CNTN4: variants seen among roughly 807,000 people sequenced by gnomAD.
CNTN4 encodes contactin-4.
A neutral mutation model predicts 122.5 loss-of-function variants in CNTN4; 77 were observed. That is an observed-to-expected ratio of 0.63 (90% CI 0.52 to 0.76). The LOEUF (loss-of-function observed/expected upper bound fraction) is 0.76, where lower values mean the gene tolerates loss of function less well. Ranked by LOEUF, CNTN4 falls within the 30% of genes least tolerant of loss-of-function variation. The probability of loss-of-function intolerance (pLI) is 0.00; values close to 1 mark genes in which losing one functional copy is unlikely to be tolerated. For synonymous variants in CNTN4, 512 were observed against 447.0 expected (o/e 1.15, Z -1.83); for missense variants, 1,256 against 1,259.1 (o/e 1.00, Z 0.04).
At chr3:2,530,753 T>G (rs75597442) in intron 3 of CNTN4, among the ~76,000 whole-genome samples, 3,477 of 152,326 alleles carry the variant, frequency 0.023, 53 homozygotes, top group Non-Finnish European at 0.033. Context: ...CCAGATTTTT[T>G]TACCTTGAGA....
At chr3:2,408,962 T>C (rs1442962534) in intron 3 of CNTN4, among the ~76,000 whole-genome samples, 1 of 152,186 alleles carries the variant, frequency 6.6e-6, no homozygotes, top group Non-Finnish European at 1.5e-5. Flanking sequence ...TTTTTGCACT[T>C]GTAGGCAGTT....
chr3:2,672,724 A>G (rs576068369), intron 4 of CNTN4, among the ~76,000 whole-genome samples: 1 of 152,198 alleles, frequency 6.6e-6, no homozygotes, highest in Non-Finnish European at 1.5e-5. Flanking sequence ...AGCTGTTCCT[A>G]TTCGGCCATC....
chr3:2,512,807 C>G (rs2076927595), intron 3 of CNTN4, among the ~76,000 whole-genome samples: 1 of 152,116 alleles, frequency 6.6e-6, no homozygotes, highest in African/African-American at 2.4e-5. Flanking sequence ...CCCATAATTT[C>G]CAGAGTGGGA....
intron 7 of CNTN4, among the ~76,000 whole-genome samples, chr3:2,824,907 C>A (rs977051345): frequency 6.6e-6 from 1 of 152,262 alleles, no homozygotes; most frequent in African/African-American, 2.4e-5. Context: ...AAGTGATCTG[C>A]CTACCTTGGC....
intron 3 of CNTN4, among the ~76,000 whole-genome samples, chr3:2,367,176 A>T (rs1203721057): frequency 6.6e-6 from 1 of 152,190 alleles, no homozygotes; most frequent in African/African-American, 2.4e-5. Flanking sequence ...AACTACACAA[A>T]ATTACAGAAA....
intron 3 of CNTN4, among the ~76,000 whole-genome samples, chr3:2,357,284 C>T (rs1395101868): frequency 6.6e-6 from 1 of 152,118 alleles, no homozygotes; most frequent in African/African-American, 2.4e-5. Context: ...TATTTCAGAC[C>T]TGAACAAAAT....
intron 12 of CNTN4, among the ~76,000 whole-genome samples, chr3:2,916,777 C>T (rs979493610): frequency 3.3e-5 from 5 of 149,654 alleles, no homozygotes; most frequent in Non-Finnish European, 5.9e-5. Flanking sequence ...GTAGGGGCGG[C>T]CGGGCAGAGG....
chr3:2,455,310 A>T (rs989451161), intron 3 of CNTN4, among the ~76,000 whole-genome samples: 1 of 152,126 alleles, frequency 6.6e-6, no homozygotes, highest in Non-Finnish European at 1.5e-5. Flanking sequence ...GATTGTTCTG[A>T]AGGCTACGAC....
intron 4 of CNTN4, among the ~76,000 whole-genome samples, chr3:2,627,974 T>G (rs1282303231): frequency 1.3e-5 from 2 of 152,236 alleles, no homozygotes; most frequent in Non-Finnish European, 2.9e-5. Flanking sequence ...CATTGTTGAA[T>G]TATCCTGGAG....
At chr3:2,979,280 CG>C (rs1178179200) in intron 13 of CNTN4, among the ~76,000 whole-genome samples, 2 of 151,850 alleles carry the variant, frequency 1.3e-5, no homozygotes, top group Non-Finnish European at 2.9e-5. Flanking sequence ...TGAACTTGCC[CG>C]GTAGGGAGTG....
intron 4 of CNTN4, among the ~76,000 whole-genome samples, chr3:2,637,851 C>G (rs2082732758): frequency 6.6e-6 from 1 of 152,106 alleles, no homozygotes; most frequent in Admixed American, 6.6e-5. Flanking sequence ...ACAGACGCTT[C>G]CCTTGATTGA....
intron 2 of CNTN4, among the ~76,000 whole-genome samples, chr3:2,203,195 T>G (rs2038180627): frequency 6.6e-6 from 1 of 152,092 alleles, no homozygotes; most frequent in Admixed American, 6.6e-5. Flanking sequence ...TGTGTTGACT[T>G]TTACACAGTA....
intron 4 of CNTN4, among the ~76,000 whole-genome samples, chr3:2,642,463 C>G (rs561154991): frequency 7.2e-5 from 11 of 152,250 alleles, no homozygotes; most frequent in African/African-American, 2.4e-4. Flanking sequence ...AGTTGACACC[C>G]AATATTAACC....
rs192019077 is a variant in CNTN4 at position 2,770,167 on chromosome 3, C to T, written c.358+24470C>T. Among the ~76,000 whole-genome samples, 252 of 152,048 alleles carry T rather than the reference C, an allele frequency of 1.7e-3. 1 individual carries two copies. Among genetic ancestry groups the T allele is most frequent in the Middle Eastern group, 0.01 (3 of 294 alleles). The stretch of plus-strand genomic sequence containing the variant: ...GCCTCAGCCTCCCGAGTAGCTGGGA[C>T]TACAGGCACGCGTCATCATGCCCGG... On this transcript the variant is annotated intron_variant, in intron 6 of 24. Transcript: ENST00000418658.
At chr3:3,042,461 C>T (rs1478535306) in intron 21 of CNTN4, 39 bp downstream of exon 21, 1 of 1,312,624 alleles carries the variant, frequency 7.6e-7, no homozygotes, top group Non-Finnish European at 1.1e-6. Context: ...GAAAGAGAGT[C>T]TATGCCCCTT....
chr3:3,011,062 G>T (rs916602286), intron 14 of CNTN4, among the ~76,000 whole-genome samples: 2 of 152,188 alleles, frequency 1.3e-5, no homozygotes, highest in Non-Finnish European at 2.9e-5. Context: ...ATCTTGCACT[G>T]TATGTGGGCA....
At chr3:2,762,261 T>C (rs528732608) in intron 6 of CNTN4, among the ~76,000 whole-genome samples, 5 of 152,338 alleles carry the variant, frequency 3.3e-5, no homozygotes, top group African/African-American at 1.2e-4. Context: ...GTTTGTTACA[T>C]AGGTAAACTT....
At chr3:2,776,095 T>C (rs1432305752) in intron 6 of CNTN4, among the ~76,000 whole-genome samples, 1 of 152,178 alleles carries the variant, frequency 6.6e-6, no homozygotes, top group Non-Finnish European at 1.5e-5. Flanking sequence ...AACACAAAGT[T>C]TGAGGATGGC....
At chr3:2,343,035 AC>A (rs2044265646) in intron 3 of CNTN4, among the ~76,000 whole-genome samples, 5 of 152,358 alleles carry the variant, frequency 3.3e-5, no homozygotes, top group Admixed American at 3.3e-4. Flanking sequence ...TACACTAAAA[AC>A]CACTAAATTG....
Sources: allele counts gnomAD v4.1 joint callset (sites outside exome capture counted in the v4.1 genomes callset), GRCh38; gene constraint gnomAD v4.1.1; transcripts MANE v1.5; gene names NCBI Gene and HGNC (gene_info 2026-07-23, HGNC 2026-07-21).